LTBP1: variants seen among roughly 807,000 people sequenced by gnomAD.
LTBP1 encodes the protein latent-transforming growth factor beta-binding protein 1.
Under a neutral mutation model 207.6 loss-of-function variants are expected in LTBP1, and 129 were observed. The observed-to-expected ratio is 0.62, with a 90% confidence interval of 0.54 to 0.72. The LOEUF (loss-of-function observed/expected upper bound fraction) is 0.72. Among genes scored for constraint, LTBP1 ranks in the 30% least tolerant of loss-of-function variants. The probability of loss-of-function intolerance (pLI) is 0.00; values close to 1 mark genes in which losing one functional copy is unlikely to be tolerated. For missense variants in LTBP1, 2,281 were observed against 2,217.2 expected, an observed-to-expected ratio of 1.03 and a Z score of -0.58; for synonymous variants, 963 against 833.7, an observed-to-expected ratio of 1.16 and a Z score of -2.67.
intron 7 of LTBP1, among the ~76,000 whole-genome samples, chr2:33,210,972 C>A (rs141902173): frequency 6.6e-6 from 1 of 152,128 alleles, no homozygotes; most frequent in East Asian, 1.9e-4. Context: ...TTTTTTGAAA[C>A]CTGTATCACT....
chr2:33,300,414 C>G (rs763325944), intron 20 of LTBP1, 37 bp from the exon 21 acceptor site: 1 of 1,606,656 alleles, frequency 6.2e-7, no homozygotes, highest in South Asian at 1.1e-5. Context: ...CCTGGGTAGT[C>G]TCTTTTTCAG....
At chr2:33,259,727 G>A (rs2092959970) in intron 13 of LTBP1, 117 bp downstream of exon 13, 4 of 933,430 alleles carry the variant, frequency 4.3e-6, no homozygotes, top group East Asian at 2.7e-5. Flanking sequence ...TGCATCATTT[G>A]GTTTGAGTTA....
rs1359181511 is a variant in LTBP1 at position 33,217,535 on chromosome 2, A to T, written c.1702-17A>T. 1 of 1,592,008 alleles carries T rather than the reference A, an allele frequency of 6.3e-7. No individual in the cohort carries two copies. The highest frequency in any genetic ancestry group is 8.6e-7 in the Non-Finnish European group (1 of 1,160,332). On this transcript the variant is annotated splice_polypyrimidine_tract_variant and intron_variant, in intron 7 of 33. Coordinates refer to ENST00000404816, the MANE Select transcript of LTBP1 (RefSeq NM_206943.4). ...TGCACTCAATTAACCTTCATATTTC[A>T]CACCTAATCATTGCAGTGTGGCAAA...
At chr2:33,267,104 A>C (rs907654862) in intron 15 of LTBP1, among the ~76,000 whole-genome samples, 42 of 152,252 alleles carry the variant, frequency 2.8e-4, no homozygotes, top group African/African-American at 1.0e-3. Context: ...AGTTACTGGC[A>C]GTATATCTGG....
chr2:33,171,048 A>G (rs1015743837), intron 5 of LTBP1, among the ~76,000 whole-genome samples: 8 of 146,712 alleles, frequency 5.5e-5, no homozygotes, highest in African/African-American at 1.5e-4. Context: ...AGATAAAACC[A>G]CAAAGATGGG....
At chr2:33,183,069 TTTC>T (rs2086840029) in intron 5 of LTBP1, among the ~76,000 whole-genome samples, 1 of 152,162 alleles carries the variant, frequency 6.6e-6, no homozygotes, top group South Asian at 2.1e-4. Context: ...ATATAGAGTA[TTTC>T]TTTTCTTTTG....
rs536968026 is a variant in LTBP1, at chr2:33,294,389, G to T, written c.3235+1107G>T. ...TTTTTATATTTTTAGTAGAGACAGG[G>T]TTTCACCATGTTGGGTAGGCTGGTC... On this transcript the variant is annotated intron_variant, in intron 20 of 33. Transcript: ENST00000404816. 2.6e-5 allele frequency among the ~76,000 whole-genome samples: 4 copies of T among 151,632 alleles called. No individual in the cohort carries two copies. In the East Asian group the frequency reaches 7.8e-4, roughly 30 times the overall value.
rs145103057 is a variant in LTBP1 at position 33,285,338 on chromosome 2, G to A, written c.3112+5180G>A. On this transcript the variant is annotated intron_variant, in intron 19 of 33. Coordinates refer to ENST00000404816, the MANE Select transcript of LTBP1 (RefSeq NM_206943.4). Reference sequence around the variant, plus strand: ...ATTACAGGGGTAAGCCACCGTGCCCGGGTCACATTCTTCTATATAACTATA... The same window carrying A: ...ATTACAGGGGTAAGCCACCGTGCCCAGGTCACATTCTTCTATATAACTATA... Among the ~76,000 whole-genome samples the A allele has an allele frequency of 5.8e-3, 880 of 151,934 alleles. 7 individuals are homozygous for A. The highest frequency in any genetic ancestry group is 0.016 in the African/African-American group (663 of 41,460).
At chr2:33,166,345 ATTC>A (rs1018594604) in intron 5 of LTBP1, among the ~76,000 whole-genome samples, 1 of 152,200 alleles carries the variant, frequency 6.6e-6, no homozygotes, top group African/African-American at 2.4e-5. Context: ...AGTTGCTGAA[ATTC>A]TTCTTTGTAT....
At chr2:33,073,471 G>A (rs960435304) in intron 3 of LTBP1, among the ~76,000 whole-genome samples, 1 of 151,782 alleles carries the variant, frequency 6.6e-6, no homozygotes, top group African/African-American at 2.4e-5. Context: ...ACAAAGTCAA[G>A]GTATTATGAG....
At chr2:32,970,810 G>T (rs1182003975) in intron 2 of LTBP1, among the ~76,000 whole-genome samples, 2 of 151,798 alleles carry the variant, frequency 1.3e-5, no homozygotes, top group African/African-American at 4.8e-5. Flanking sequence ...GTCATTGTTA[G>T]TTGATAATAG....
rs1192877526 is a variant in LTBP1 at position 33,208,627 on chromosome 2, C to T, written c.1702-8925C>T. On this transcript the variant is annotated intron_variant, in intron 7 of 33. Transcript: ENST00000404816. ...CAGGCAGGGGGCACCTGAGGAACACCGACCTTCATAGGATTGCCCTGCCAC... is the reference window on the plus strand; with the variant it reads ...CAGGCAGGGGGCACCTGAGGAACACTGACCTTCATAGGATTGCCCTGCCAC... 2.0e-5 allele frequency among the ~76,000 whole-genome samples: 3 copies of T among 152,132 alleles called. 1 individual carries two copies. The highest frequency in any genetic ancestry group is 4.2e-4 in the South Asian group (2 of 4,818).
rs59789805 is a variant in LTBP1 at position 33,158,148 on chromosome 2, C to CAA, written c.1201+23204_1201+23205dup. On this transcript the variant is annotated intron_variant, in intron 5 of 33. Transcript: ENST00000404816. Reference sequence around the variant, plus strand: ...TGAAACTCTTGTCTCAAAAAAAAAACAAAAAAAAAAAAAAAAAGAGAGAGA... The same window carrying CAA: ...TGAAACTCTTGTCTCAAAAAAAAAACAAAAAAAAAAAAAAAAAAAGAGAGAGA... Among the ~76,000 whole-genome samples the CAA allele has an allele frequency of 5.1e-3, 586 of 113,896 alleles. 2 individuals are homozygous for CAA. Among genetic ancestry groups the CAA allele is most frequent in the East Asian group, 0.017 (63 of 3,702 alleles). 74.7% of individuals were successfully genotyped at this position (113,896 alleles called of 152,430 possible).
intron 2 of LTBP1, among the ~76,000 whole-genome samples, chr2:32,969,622 G>A (rs373541329): frequency 8.5e-5 from 13 of 152,244 alleles, no homozygotes; most frequent in African/African-American, 3.1e-4. Flanking sequence ...TTTTAAGGCT[G>A]TGTAATATTC....
chr2:33,222,903 T>C (rs2091207412), intron 9 of LTBP1, among the ~76,000 whole-genome samples: 1 of 152,202 alleles, frequency 6.6e-6, no homozygotes, highest in South Asian at 2.1e-4. Context: ...GCTTCTAATT[T>C]CCCTTTACAT....
intron 5 of LTBP1, among the ~76,000 whole-genome samples, chr2:33,151,019 C>T (rs934552786): frequency 1.3e-5 from 2 of 152,064 alleles, no homozygotes; most frequent in Admixed American, 6.5e-5. Flanking sequence ...GGATTACAGG[C>T]GTGAACCACC....
rs146628042 is a variant in LTBP1 at position 33,078,428 on chromosome 2, G to T, written c.864-32154G>T. 3.4e-3 allele frequency among the ~76,000 whole-genome samples: 515 copies of T among 152,276 alleles called. 3 individuals are homozygous for T. The highest frequency in any genetic ancestry group is 0.011 in the African/African-American group (469 of 41,552). ...TAAAATTAGCTGTGCTGTTAAAAGA[G>T]TGAATAATAATGCTAATAATGTGAC... On this transcript the variant is annotated intron_variant, in intron 3 of 33. Coordinates refer to ENST00000404816, the MANE Select transcript of LTBP1 (RefSeq NM_206943.4).
chr2:33,378,491 C>G (rs2095172760), intron 31 of LTBP1, among the ~76,000 whole-genome samples: 2 of 152,076 alleles, frequency 1.3e-5, no homozygotes, highest in Non-Finnish European at 2.9e-5. Flanking sequence ...CTCAGCCTCC[C>G]AAAGTGCTAG....
At chr2:33,118,793 G>T (rs2080931256) in intron 4 of LTBP1, among the ~76,000 whole-genome samples, 1 of 152,166 alleles carries the variant, frequency 6.6e-6, no homozygotes, top group South Asian at 2.1e-4. Context: ...TGGAGGGGAG[G>T]ATGGTATATC....
Sources: allele counts gnomAD v4.1 joint callset (sites outside exome capture counted in the v4.1 genomes callset), GRCh38; gene constraint gnomAD v4.1.1; transcripts MANE v1.5; gene names NCBI Gene and HGNC (gene_info 2026-07-23, HGNC 2026-07-21).